NDE1: variants seen among roughly 807,000 people sequenced by gnomAD.
NDE1 encodes nuclear distribution protein nudE homolog 1.
In NDE1, 28 loss-of-function variants were observed where a neutral mutation model predicts 43.4. That is an observed-to-expected ratio of 0.65 (90% CI 0.48 to 0.89). The LOEUF (loss-of-function observed/expected upper bound fraction) is 0.89, where lower values mean the gene tolerates loss of function less well. Among genes scored for constraint, NDE1 ranks in the 40% least tolerant of loss-of-function variants. The pLI is 0.00. For synonymous variants in NDE1, 184 were observed against 172.0 expected (o/e 1.07, Z -0.55); for missense variants, 441 against 434.1 (o/e 1.02, Z -0.14).
chr16:15,654,174 C>T (rs911347235), intron 1 of NDE1, among the ~76,000 whole-genome samples: 1 of 152,004 alleles, frequency 6.6e-6, no homozygotes, highest in African/African-American at 2.4e-5. Context: ...GGTGTGGTGG[C>T]GTATTAAGAA....
At chr16:15,706,107 T>TA (rs1454247331) in intron 8 of NDE1, among the ~76,000 whole-genome samples, 1 of 151,808 alleles carries the variant, frequency 6.6e-6, no homozygotes, top group African/African-American at 2.4e-5. Context: ...CCCACCTGGC[T>TA]ATAAAGGATG....
chr16:15,710,380 G>A (rs933651587), intron 8 of NDE1, among the ~76,000 whole-genome samples: 7 of 152,166 alleles, frequency 4.6e-5, no homozygotes, highest in Non-Finnish European at 7.3e-5. Context: ...AATTAGCCAG[G>A]TGTGGTGGCA....
intron 2 of NDE1, among the ~76,000 whole-genome samples, chr16:15,665,348 C>T (rs1389099040): frequency 6.6e-6 from 1 of 152,178 alleles, no homozygotes; most frequent in Non-Finnish European, 1.5e-5. Flanking sequence ...TGCTCACAGT[C>T]ACACAGCCAA....
Position 15,724,595 on chromosome 16 carries a change from C to A in NDE1, c.*344C>A. 1 of 1,612,314 alleles carries A rather than the reference C, an allele frequency of 6.2e-7. No homozygotes were observed. Among genetic ancestry groups the A allele is most frequent in the Non-Finnish European group, 8.5e-7 (1 of 1,179,664 alleles). On this transcript the variant is annotated 3_prime_UTR_variant, in exon 9 of 9. Transcript: ENST00000396354. ...GCGATCTGCCTGCGGGGGATCTCAG[C>A]GCAGAGAAGTTGAGAGGACCCATGA... is the stretch of plus-strand genomic sequence containing the variant.
At chr16:15,654,494 G>T (rs1446967205) in intron 1 of NDE1, among the ~76,000 whole-genome samples, 1 of 150,646 alleles carries the variant, frequency 6.6e-6, no homozygotes, top group African/African-American at 2.4e-5. Context: ...CGAGGTACTA[G>T]GGACGCTGAG....
At chr16:15,713,818 A>G (rs1490324388) in intron 8 of NDE1, 1 of 152,450 alleles carries the variant, frequency 6.6e-6, no homozygotes, top group Non-Finnish European at 1.5e-5. Context: ...GCTTTCACCA[A>G]ATGATTGCAG....
chr16:15,720,325 T>TAG lies in NDE1; in HGVS notation c.948-3862_948-3861dup. ...CATACTCGTGAAGCTGGGCGAGGAA[T>TAG]AGAGATGTGTGCTGCCCCACTTGCC... On this transcript the variant is annotated intron_variant, in intron 8 of 8. Coordinates refer to ENST00000396354, the MANE Select transcript of NDE1 (RefSeq NM_017668.3). 1.2e-6 allele frequency: 2 copies of TAG among 1,612,432 alleles called. No individual in the cohort carries two copies. The highest frequency in any genetic ancestry group is 1.7e-6 in the Non-Finnish European group (2 of 1,179,282).
rs2038983832 is a variant in NDE1, at chr16:15,695,826, G to A, written c.796-883G>A. ...CTAGTTGGAGTATAGAGAAGCCTGG[G>A]GTGCTGTCAGTGTCCTTTTGGTTTC... On this transcript the variant is annotated intron_variant, in intron 7 of 8. Transcript: ENST00000396354. 9 of 522,892 alleles carry A rather than the reference G, an allele frequency of 1.7e-5. No individual in the cohort carries two copies. In the South Asian group the frequency reaches 6.7e-4, roughly 39 times the overall value. The allele number at this position is 522,892 out of a possible 1,614,324, so 32.4% of individuals were successfully genotyped here.
rs564283024 is a variant in NDE1, at chr16:15,697,952, G to A, written c.947+1092G>A. The stretch of plus-strand genomic sequence containing the variant: ...CTCCTGAGTAGCTGGGATTACAGGC[G>A]TGTGCCACCATGCCCAGCTAATTTT... On this transcript the variant is annotated intron_variant, in intron 8 of 8. Coordinates refer to ENST00000396354, the MANE Select transcript of NDE1 (RefSeq NM_017668.3). Among the ~76,000 whole-genome samples, 394 of 151,916 alleles carry A rather than the reference G, an allele frequency of 2.6e-3. 5 individuals carry two copies. Among genetic ancestry groups the A allele is most frequent in the African/African-American group, 8.7e-3 (362 of 41,492 alleles).
intron 8 of NDE1, chr16:15,717,969 G>GACATC (rs2040254319): frequency 2.5e-6 from 1 of 397,694 alleles, no homozygotes; most frequent in Admixed American, 3.7e-5. Flanking sequence ...AGTGCTCAGT[G>GACATC]ACATCACCAA....
At position 15,696,533 on chromosome 16, in the gene NDE1, G is replaced by C. The variant is rs1236740118; in HGVS notation, c.796-176G>C. ...GCCCAGCCAGCTCCCAAATACTTAA[G>C]GTGCTTGGTTCTGAGACTGGCATAT... On this transcript the variant is annotated intron_variant, in intron 7 of 8. Transcript: ENST00000396354. 3.3e-5 allele frequency among the ~76,000 whole-genome samples: 5 copies of C among 152,086 alleles called. No individual in the cohort carries two copies. In the East Asian group the frequency reaches 9.6e-4, roughly 29 times the overall value.
intron 8 of NDE1, among the ~76,000 whole-genome samples, chr16:15,706,445 C>T (rs974023218): frequency 5.3e-5 from 8 of 152,158 alleles, no homozygotes; most frequent in Admixed American, 2.0e-4. Flanking sequence ...GCGACTCATG[C>T]CTGTAATCCC....
intron 2 of NDE1, 26 bp from the exon 3 acceptor site, chr16:15,667,258 TAC>T: frequency 6.2e-7 from 1 of 1,613,384 alleles, no homozygotes; most frequent in Non-Finnish European, 8.5e-7. Flanking sequence ...AAAATATTAC[TAC>T]GTGATGATTA....
chr16:15,686,906 A>G, intron 4 of NDE1: 1 of 889,328 alleles, frequency 1.1e-6, no homozygotes, highest in Non-Finnish European at 1.3e-6. Flanking sequence ...CAAGCTTGCC[A>G]GGCTGGTCTT....
At position 15,725,584 on chromosome 16, in the gene NDE1, A is replaced by C. The variant is rs560846645; in HGVS notation, c.*1333A>C. On this transcript the variant is annotated 3_prime_UTR_variant, in exon 9 of 9. Coordinates refer to ENST00000396354, the MANE Select transcript of NDE1 (RefSeq NM_017668.3). ...TTTGAGGCTGTTAGCCTACCCCTCC[A>C]TCTCTTCCATTGACAAGGAGGATAT... The C allele has an allele frequency of 1.3e-4, 51 of 406,438 alleles. No individual in the cohort carries two copies. Among genetic ancestry groups the C allele is most frequent in the African/African-American group, 9.8e-4 (48 of 48,746 alleles). The allele number at this position is 406,438 out of a possible 1,614,324, so 25.2% of individuals were successfully genotyped here. A position where few individuals can be genotyped will look rare whatever the true frequency, so the allele number is the denominator to read the frequency against.
chr16:15,708,677 A>T (rs1012525069), intron 8 of NDE1: 1 of 990,804 alleles, frequency 1.0e-6, no homozygotes, highest in Non-Finnish European at 1.6e-6. Flanking sequence ...CCAAGCCTCC[A>T]GATTTTGCAA....
rs1194755219 is a variant in NDE1, at chr16:15,691,273, C to T, written c.653C>T (p.Ala218Val). The change falls in exon 6 of 9, where the codon GCT (alanine) becomes GTT (valine). Residue 218 changes from alanine to valine, a missense_variant. Physicochemically the swap from Ala to Val is moderately conservative, Grantham distance 64. Transcript: ENST00000396354. ...GGCTCCGTGCCGTCCACGCCCATTG[C>T]TCACCGAGGACCCAGCTCAAGTTTA... ...ATGSVPSTPI[A>V]HRGPSSSLNT... 1 of 1,614,168 alleles carries T rather than the reference C, an allele frequency of 6.2e-7. No individual in the cohort carries two copies. The highest frequency in any genetic ancestry group is 2.2e-5 in the East Asian group (1 of 44,882).
rs2040479391 is a variant in NDE1 at position 15,721,469 on chromosome 16, C to T, written c.948-2722C>T. 9 of 1,614,078 alleles carry T rather than the reference C, an allele frequency of 5.6e-6. No homozygotes were observed. The highest frequency in any genetic ancestry group is 5.9e-6 in the Non-Finnish European group (7 of 1,180,054). ...GAGCTGACCAGGTCTTCCATTTCGGCTTTGAGCATTTTGTTGGTCCGCTCG... is the reference window on the plus strand; with the variant it reads ...GAGCTGACCAGGTCTTCCATTTCGGTTTTGAGCATTTTGTTGGTCCGCTCG... On this transcript the variant is annotated intron_variant, in intron 8 of 8. Transcript: ENST00000396354.
chr16:15,714,839 A>G (rs2151191506), intron 8 of NDE1: 1 of 1,591,350 alleles, frequency 6.3e-7, no homozygotes, highest in Non-Finnish European at 8.6e-7. Flanking sequence ...GCAGGCCGAA[A>G]GGAGCCCGAG....
Sources: allele counts gnomAD v4.1 joint callset (sites outside exome capture counted in the v4.1 genomes callset), GRCh38; gene constraint gnomAD v4.1.1; transcripts MANE v1.5; gene names NCBI Gene and HGNC (gene_info 2026-07-23, HGNC 2026-07-21).